The following SPOCK1 variants were observed in gnomAD, a reference collection of about 807,000 sequenced individuals.
SPOCK1 encodes the protein testican-1.
A neutral mutation model predicts 55.3 loss-of-function variants in SPOCK1; 23 were observed. That is an observed-to-expected ratio of 0.42 (90% CI 0.30 to 0.59). The LOEUF (loss-of-function observed/expected upper bound fraction) is 0.59. Ranked by LOEUF, SPOCK1 falls within the 20% of genes least tolerant of loss-of-function variation. The pLI, the probability that SPOCK1 is intolerant of heterozygous loss-of-function variation, is 0.22. For synonymous variants in SPOCK1, 226 were observed against 221.0 expected, an observed-to-expected ratio of 1.02 and a Z score of -0.20; for missense variants, 499 against 552.5, an observed-to-expected ratio of 0.90 and a Z score of 0.97.
chr5:137,270,868 G>A (rs1279551861), intron 2 of SPOCK1, among the ~76,000 whole-genome samples: 7 of 152,160 alleles, frequency 4.6e-5, no homozygotes, highest in Admixed American at 2.0e-4. Context: ...TAGGTGTGGT[G>A]GCACATGCCT....
At position 137,410,941 on chromosome 5, in the gene SPOCK1, T is replaced by G. The variant is rs150953942; in HGVS notation, c.186+87432A>C. On this transcript the variant is annotated intron_variant, in intron 2 of 10. Transcript: ENST00000394945. Reference sequence around the variant, plus strand: ...AAGCCTTGCAGATGAGCACATCAAGTTTGGGGACCTCAGGAAAGTTTGTTT... The same window carrying G: ...AAGCCTTGCAGATGAGCACATCAAGGTTGGGGACCTCAGGAAAGTTTGTTT... Among the ~76,000 whole-genome samples, 1,316 of 152,220 alleles carry G rather than the reference T, an allele frequency of 8.6e-3. 13 individuals are homozygous for G. Among genetic ancestry groups the G allele is most frequent in the African/African-American group, 0.03 (1,230 of 41,546 alleles).
intron 2 of SPOCK1, among the ~76,000 whole-genome samples, chr5:137,281,464 A>T (rs898494685): frequency 2.6e-5 from 4 of 152,258 alleles, no homozygotes; most frequent in African/African-American, 9.6e-5. Flanking sequence ...GATGGCAAAT[A>T]GTGTCACCCA....
chr5:137,484,281 G>C (rs1466035767), intron 2 of SPOCK1, among the ~76,000 whole-genome samples: 1 of 152,098 alleles, frequency 6.6e-6, no homozygotes, highest in African/African-American at 2.4e-5. Context: ...CAGTTCAAAG[G>C]GCTCTTCAGA....
At chr5:137,455,268 A>G (rs967864844) in intron 2 of SPOCK1, among the ~76,000 whole-genome samples, 2 of 152,208 alleles carry the variant, frequency 1.3e-5, no homozygotes, top group East Asian at 3.8e-4. Context: ...CTTAAGGACA[A>G]TAAAGTTATC....
intron 2 of SPOCK1, among the ~76,000 whole-genome samples, chr5:137,282,002 T>C (rs1757172769): frequency 6.6e-6 from 1 of 152,244 alleles, no homozygotes; most frequent in Non-Finnish European, 1.5e-5. Flanking sequence ...TAAGTGACTC[T>C]GGACAAGCAT....
intron 3 of SPOCK1, among the ~76,000 whole-genome samples, chr5:137,251,820 C>T (rs1461452001): frequency 6.6e-6 from 1 of 152,334 alleles, no homozygotes; most frequent in African/African-American, 2.4e-5. Context: ...AGAGATAATA[C>T]ATTACAATTT....
intron 2 of SPOCK1, among the ~76,000 whole-genome samples, chr5:137,428,532 T>C (rs1316449417): frequency 6.6e-6 from 1 of 152,180 alleles, no homozygotes; most frequent in African/African-American, 2.4e-5. Flanking sequence ...GTGTCAACCA[T>C]TTTCATTCTG....
At chr5:136,992,629 G>C (rs986227822) in intron 6 of SPOCK1, 29 bp from the exon 7 acceptor site, 1 of 1,565,694 alleles carries the variant, frequency 6.4e-7, no homozygotes, top group Non-Finnish European at 8.7e-7. Context: ...AACAGACAAT[G>C]GGGCTGGGGG....
chr5:137,118,382 C>T (rs1381039062), intron 4 of SPOCK1, among the ~76,000 whole-genome samples: 3 of 152,162 alleles, frequency 2.0e-5, no homozygotes, highest in South Asian at 2.1e-4. Context: ...TGTCCTGGTT[C>T]CTGGGAATGT....
intron 2 of SPOCK1, among the ~76,000 whole-genome samples, chr5:137,438,738 T>C (rs1259142150): frequency 6.6e-6 from 1 of 152,194 alleles, no homozygotes; most frequent in African/African-American, 2.4e-5. Context: ...AAAAGGAAGG[T>C]AGCATCTCTT....
intron 2 of SPOCK1, among the ~76,000 whole-genome samples, chr5:137,398,274 G>A (rs1180108009): frequency 6.6e-6 from 1 of 152,150 alleles, no homozygotes; most frequent in Non-Finnish European, 1.5e-5. Flanking sequence ...GAAATAATTG[G>A]TGCCTAGAGA....
intron 2 of SPOCK1, among the ~76,000 whole-genome samples, chr5:137,391,179 G>T (rs1751714855): frequency 6.6e-6 from 1 of 152,062 alleles, no homozygotes; most frequent in Non-Finnish European, 1.5e-5. Context: ...GTGTTAGTTT[G>T]CTGAGAATGA....
intron 3 of SPOCK1, among the ~76,000 whole-genome samples, chr5:137,234,849 G>A (rs1190285293): frequency 6.6e-6 from 1 of 152,166 alleles, no homozygotes; most frequent in African/African-American, 2.4e-5. Flanking sequence ...GTGTTTCTTA[G>A]GTTTGACAAG....
intron 8 of SPOCK1, 101 bp from the exon 9 acceptor site, chr5:136,985,303 G>T: frequency 8.8e-7 from 1 of 1,138,368 alleles, no homozygotes. Flanking sequence ...TGACACACCT[G>T]GGAGTGGAAT....
chr5:137,319,613 C>A (rs1032489703), intron 2 of SPOCK1, among the ~76,000 whole-genome samples: 1 of 152,186 alleles, frequency 6.6e-6, no homozygotes, highest in Non-Finnish European at 1.5e-5. Flanking sequence ...GAATAGGAAA[C>A]CCGAGAGCTC....
chr5:137,186,480 A>G (rs930276), intron 3 of SPOCK1, among the ~76,000 whole-genome samples: 59,964 of 152,122 alleles, frequency 0.39, 13,112 homozygotes, highest in Non-Finnish European at 0.48. Context: ...CAAAGAAAAC[A>G]TCTTCAAAGC....
At chr5:136,980,820 C>G (rs1344393771) in intron 9 of SPOCK1, among the ~76,000 whole-genome samples, 1 of 152,076 alleles carries the variant, frequency 6.6e-6, no homozygotes, top group Admixed American at 6.6e-5. Context: ...CAGATATGCT[C>G]TAGAGATTTT....
At chr5:137,005,010 T>C (rs1458516339) in intron 6 of SPOCK1, among the ~76,000 whole-genome samples, 1 of 152,194 alleles carries the variant, frequency 6.6e-6, no homozygotes, top group African/African-American at 2.4e-5. Context: ...AGAGAGCATC[T>C]ACAAAATTAT....
intron 3 of SPOCK1, among the ~76,000 whole-genome samples, chr5:137,172,281 T>C (rs969174637): frequency 6.6e-6 from 1 of 152,216 alleles, no homozygotes; most frequent in Non-Finnish European, 1.5e-5. Context: ...AGTACTTTCC[T>C]GAGCCCCTCC....
Sources: gnomAD v4.1 joint callset for allele counts (sites outside exome capture counted in the v4.1 genomes callset) on GRCh38, gnomAD v4.1.1 for gene constraint, MANE v1.5 for transcripts, NCBI Gene and HGNC (gene_info 2026-07-23, HGNC 2026-07-21) for gene names.